The following AGPAT3 variants were observed in gnomAD, a reference collection of about 807,000 sequenced individuals.
AGPAT3 encodes the protein 1-acylglycerol-3-phosphate O-acyltransferase 3.
A neutral mutation model predicts 47.3 loss-of-function variants in AGPAT3; 5 were observed. The observed-to-expected ratio is 0.11, with a 90% CI of 0.06 to 0.22. AGPAT3 has a LOEUF of 0.22. AGPAT3 is among the 10% of genes least tolerant of loss of function. AGPAT3 has a pLI of 1.00. For missense variants in AGPAT3, 315 were observed against 493.0 expected, an observed-to-expected ratio of 0.64 and a Z score of 3.42; for synonymous variants, 212 against 208.3, an observed-to-expected ratio of 1.02 and a Z score of -0.15.
At position 43,890,729 on chromosome 21, in the gene AGPAT3, A is replaced by G. The variant is rs189989181; in HGVS notation, c.-111-13228A>G. 8.2e-3 allele frequency among the ~76,000 whole-genome samples: 892 copies of G among 108,642 alleles called. 9 individuals carry two copies. The highest frequency in any genetic ancestry group is 0.028 in the African/African-American group (823 of 29,734). 71.3% of individuals were successfully genotyped at this position (108,642 alleles called of 152,430 possible). On this transcript the variant is annotated intron_variant, in intron 1 of 9. Coordinates refer to ENST00000291572, the MANE Select transcript of AGPAT3 (RefSeq NM_020132.5). ...TGCCCAGCCAGGTTTTTTTTTTTTC[A>G]TTTATTTATTTATTTATTAATTTTT...
chr21:43,960,803 C>G (rs1490002120), intron 3 of AGPAT3: 6 of 980,902 alleles, frequency 6.1e-6, no homozygotes, highest in Non-Finnish European at 7.3e-6. Context: ...CATTTTGTGT[C>G]TTAAGAAAGG....
In AGPAT3 at chr21:43,933,815, G is replaced by A. The variant is rs939807760; in HGVS notation, c.-48-25819G>A. ...CCAAGCACCAGCTGCAAGAGCCAGA[G>A]GACGGCACTCCCGCGCCTGCCACGA... On this transcript the variant is annotated intron_variant, in intron 2 of 9. Coordinates refer to ENST00000291572, the MANE Select transcript of AGPAT3 (RefSeq NM_020132.5). The surrounding 1 kb of genome is among the most constrained non-coding windows in gnomAD (Gnocchi z 6.0). 6.6e-6 allele frequency among the ~76,000 whole-genome samples: 1 copy of A among 152,096 alleles called. No homozygotes were observed. The highest frequency in any genetic ancestry group is 2.4e-5 in the African/African-American group (1 of 41,404).
At chr21:43,895,262 G>A (rs902208641) in intron 1 of AGPAT3, among the ~76,000 whole-genome samples, 1 of 151,518 alleles carries the variant, frequency 6.6e-6, no homozygotes, top group African/African-American at 2.4e-5. Flanking sequence ...ATGCCACCAT[G>A]CCCAGCTAAT....
In AGPAT3 at chr21:43,918,365, A is replaced by G. The variant is rs186807050; in HGVS notation, c.-49+14346A>G. 4.6e-5 allele frequency among the ~76,000 whole-genome samples: 7 copies of G among 152,246 alleles called. No homozygotes were observed. The East Asian group carries it at 1.2e-3, about 25-fold the overall frequency. ...GAGGGTTCCCCTGGAGCTCCTGAGC[A>G]CATGGTTAGGTGAGCTTGCCCCATC... On this transcript the variant is annotated intron_variant, in intron 2 of 9. Coordinates refer to ENST00000291572, the MANE Select transcript of AGPAT3 (RefSeq NM_020132.5).
Position 43,899,735 on chromosome 21 carries a change from C to A in AGPAT3, c.-111-4222C>A, listed in dbSNP as rs192392829. ...CCCCCAGGAGGCTTCCCAGGCATCA[C>A]CTCGTGTGTGTGTGTGCAGCAGCTG... On this transcript the variant is annotated intron_variant, in intron 1 of 9. Coordinates refer to ENST00000291572, the MANE Select transcript of AGPAT3 (RefSeq NM_020132.5). Among the ~76,000 whole-genome samples the A allele has an allele frequency of 4.9e-3, 748 of 152,280 alleles. 3 individuals carry two copies. The highest frequency in any genetic ancestry group is 8.4e-3 in the Non-Finnish European group (569 of 68,002).
chr21:43,923,479 G>A lies in AGPAT3; in HGVS notation c.-49+19460G>A, dbSNP rs143732828. ...AGTGCTCCAGGGCACCCACCCAGGC[G>A]CCCTCCAATTCCATTGAGTTCTGAC... On this transcript the variant is annotated intron_variant, in intron 2 of 9. Transcript: ENST00000291572. 4.7e-3 allele frequency among the ~76,000 whole-genome samples: 723 copies of A among 152,292 alleles called. 2 individuals are homozygous for A. The highest frequency in any genetic ancestry group is 0.016 in the African/African-American group (685 of 41,558).
intron 2 of AGPAT3, among the ~76,000 whole-genome samples, chr21:43,907,492 C>T (rs1442910043): frequency 2.6e-5 from 4 of 152,112 alleles, no homozygotes; most frequent in Admixed American, 6.5e-5. Flanking sequence ...CCGAGGCAGG[C>T]GGATCACGAG....
intron 2 of AGPAT3, among the ~76,000 whole-genome samples, chr21:43,943,113 C>T (rs1165620793): frequency 1.3e-5 from 2 of 152,076 alleles, no homozygotes; most frequent in South Asian, 2.1e-4. Context: ...CTCGCTCTGT[C>T]GCTCAGGCTG....
chr21:43,982,484 A>G lies in AGPAT3; in HGVS notation c.*92A>G. The G allele has an allele frequency of 1.0e-6, 1 of 953,580 alleles. No homozygotes were observed. Among genetic ancestry groups the G allele is most frequent in the South Asian group, 1.5e-5 (1 of 67,240 alleles). 59.1% of individuals were successfully genotyped at this position (953,580 alleles called of 1,614,324 possible). On this transcript the variant is annotated 3_prime_UTR_variant, in exon 10 of 10. Transcript: ENST00000291572. This position sits in a 1 kb window ranked among gnomAD's most constrained non-coding sequence, Gnocchi z 6.2. ...AGAGTGCAGGAAAAGACAATTAGAAACTATTTTTCTTATTAACTGGTGACT... is the reference window on the plus strand; with the variant it reads ...AGAGTGCAGGAAAAGACAATTAGAAGCTATTTTTCTTATTAACTGGTGACT...
At chr21:43,967,698 C>G (rs2089197043) in intron 3 of AGPAT3, 1 of 484,272 alleles carries the variant, frequency 2.1e-6, no homozygotes, top group Admixed American at 3.5e-5. Flanking sequence ...GCGTAAAGAT[C>G]AGCGTCTCCA....
At position 43,865,241 on chromosome 21, in the gene AGPAT3, G is replaced by GCAGGGCCGGGCCGGGCC. The variant is rs1275927061; in HGVS notation, c.-207_-191dup. On this transcript the variant is annotated 5_prime_UTR_variant, in exon 1 of 10. Coordinates refer to ENST00000291572, the MANE Select transcript of AGPAT3 (RefSeq NM_020132.5). ...GCGCCGCACTCGCTGAGGCCCCGACGCAGGGCCGGGCCGGGCCCAGGGCCG... is the reference window on the plus strand; with the variant it reads ...GCGCCGCACTCGCTGAGGCCCCGACGCAGGGCCGGGCCGGGCCCAGGGCCGGGCCGGGCCCAGGGCCG... 6.8e-6 allele frequency: 1 copy of GCAGGGCCGGGCCGGGCC among 147,216 alleles called. No homozygotes were observed. Among genetic ancestry groups the GCAGGGCCGGGCCGGGCC allele is most frequent in the Non-Finnish European group, 1.5e-5 (1 of 65,850 alleles). The allele number at this position is 147,216 out of a possible 1,614,324, so 9.1% of individuals were successfully genotyped here.
rs762855528 is a variant in AGPAT3 at position 43,959,715 on chromosome 21, G to C, written c.34G>C (p.Val12Leu). Residue 12 changes from valine (V) to leucine (L), a missense_variant, in exon 3 of 10, where the codon GTG becomes CTG. Coordinates refer to ENST00000291572, the MANE Select transcript of AGPAT3 (RefSeq NM_020132.5). The part of the protein sequence containing the change: ...GLLAFLKTQF[V>L]LHLLVGFVFV... Reference sequence around the variant, plus strand: ...GCTGGCCTTCCTGAAGACCCAGTTCGTGCTGCACCTGCTGGTCGGCTTTGT... The same window carrying C: ...GCTGGCCTTCCTGAAGACCCAGTTCCTGCTGCACCTGCTGGTCGGCTTTGT... 4 of 1,613,748 alleles carry C rather than the reference G, an allele frequency of 2.5e-6. No individual in the cohort carries two copies. The highest frequency in any genetic ancestry group is 3.4e-6 in the Non-Finnish European group (4 of 1,179,938).
At chr21:43,905,388 C>T (rs912441398) in intron 2 of AGPAT3, among the ~76,000 whole-genome samples, 5 of 151,998 alleles carry the variant, frequency 3.3e-5, no homozygotes, top group African/African-American at 1.2e-4. Flanking sequence ...TGGGGTTTCA[C>T]CATGTTGGCC....
chr21:43,982,399 G>A lies in AGPAT3; in HGVS notation c.*7G>A. ...GTTTAAGAAAAAGGAATAATTAATG[G>A]CTGTGACTGAACACACGCGGCCCTG... is the stretch of plus-strand genomic sequence containing the variant. On this transcript the variant is annotated 3_prime_UTR_variant, in exon 10 of 10. Transcript: ENST00000291572. The surrounding 1 kb of genome is among the most constrained non-coding windows in gnomAD (Gnocchi z 6.2). The A allele has an allele frequency of 1.2e-6, 2 of 1,607,144 alleles. No homozygotes were observed. Among genetic ancestry groups the A allele is most frequent in the Non-Finnish European group, 1.7e-6 (2 of 1,173,734 alleles).
intron 6 of AGPAT3, among the ~76,000 whole-genome samples, chr21:43,971,087 CAAAAT>C (rs1569103257): frequency 6.6e-6 from 1 of 151,986 alleles, no homozygotes; most frequent in African/African-American, 2.4e-5. Flanking sequence ...CAAAAGGAGT[CAAAAT>C]AAAAGAAAGG....
intron 1 of AGPAT3, among the ~76,000 whole-genome samples, chr21:43,885,865 C>T (rs954341867): frequency 3.3e-5 from 5 of 152,218 alleles, no homozygotes; most frequent in Non-Finnish European, 5.9e-5. Flanking sequence ...TGGGTGAGGG[C>T]ACCGTGGCTC....
chr21:43,977,081 T>A (rs1377253431), intron 7 of AGPAT3, among the ~76,000 whole-genome samples: 1 of 152,258 alleles, frequency 6.6e-6, no homozygotes, highest in East Asian at 1.9e-4. Flanking sequence ...CGATTAGATT[T>A]GTCCAATTAG....
intron 2 of AGPAT3, among the ~76,000 whole-genome samples, chr21:43,941,866 A>G (rs1411305166): frequency 6.6e-6 from 1 of 152,260 alleles, no homozygotes; most frequent in Non-Finnish European, 1.5e-5. Context: ...AAATGATGAA[A>G]GACCTATTAG....
At chr21:43,877,671 C>T (rs1372760523) in intron 1 of AGPAT3, among the ~76,000 whole-genome samples, 5 of 151,874 alleles carry the variant, frequency 3.3e-5, no homozygotes, top group South Asian at 2.1e-4. Context: ...CTTGAACTCC[C>T]GACCTCGGGT....
Sources: gnomAD v4.1 joint callset for allele counts (sites outside exome capture counted in the v4.1 genomes callset) on GRCh38, gnomAD v4.1.1 for gene constraint, Gnocchi (gnomAD v3.1) non-coding constraint, MANE v1.5 for transcripts, NCBI Gene and HGNC (gene_info 2026-07-23, HGNC 2026-07-21) for gene names.